The following ZNF718 variants were observed in gnomAD, a reference collection of about 807,000 sequenced individuals.
ZNF718 encodes zinc finger protein 718.
In ZNF718, 3 loss-of-function variants were observed where a neutral mutation model predicts 2.6. The observed-to-expected ratio is 1.16, with a 90% CI of 0.53 to 3.01. The LOEUF is 3.01. Among genes scored for constraint, ZNF718 ranks in the 30% most tolerant of loss-of-function variants. ZNF718 has a pLI of 0.03. For missense variants in ZNF718, 468 were observed against 230.0 expected (o/e 2.03, Z -6.69); for synonymous variants, 135 against 77.9 (o/e 1.73, Z -3.86).
At chr4:153,603 G>A (rs1475951471) in intron 3 of ZNF718, among the ~76,000 whole-genome samples, 2 of 151,894 alleles carry the variant, frequency 1.3e-5, no homozygotes, top group Non-Finnish European at 2.9e-5. Context: ...AGTGTAGAGT[G>A]TTCAGCTTTT....
chr4:165,908 T>C (rs1581469379), downstream of ZNF718, among the ~76,000 whole-genome samples: 1 of 152,206 alleles, frequency 6.6e-6, no homozygotes, highest in Non-Finnish European at 1.5e-5. Context: ...TGCAGGTTAG[T>C]TACATATGTA....
chr4:126,036 C>G (rs1553807945), intron 1 of ZNF718, among the ~76,000 whole-genome samples: 1 of 152,182 alleles, frequency 6.6e-6, no homozygotes, highest in Non-Finnish European at 1.5e-5. Context: ...TGGGCCTGTA[C>G]CTGTAGCACA....
At chr4:170,539 G>T (rs1553817744) in intron 3 of ZNF718, among the ~76,000 whole-genome samples, 1 of 146,902 alleles carries the variant, frequency 6.8e-6, no homozygotes, top group Non-Finnish European at 1.5e-5. Context: ...TGGAGGCTTT[G>T]TTTGTTTCTT....
At chr4:169,412 C>A (rs61794962) in intron 3 of ZNF718, among the ~76,000 whole-genome samples, 30,068 of 151,870 alleles carry the variant, frequency 0.2, 3,199 homozygotes, top group Admixed American at 0.27. Context: ...TCCTTGTTAA[C>A]TTTCTGTCTC....
At chr4:137,057 A>G (rs192723382) in intron 3 of ZNF718, among the ~76,000 whole-genome samples, 1 of 152,104 alleles carries the variant, frequency 6.6e-6, no homozygotes, top group East Asian at 1.9e-4. Context: ...CTGAGATCTC[A>G]TTTTTTAAAA....
intron 3 of ZNF718, among the ~76,000 whole-genome samples, chr4:134,734 C>CT (rs1553809025): frequency 0.014 from 2,087 of 149,448 alleles, 23 homozygotes; most frequent in South Asian, 0.037. Context: ...AAAATTGTTT[C>CT]TTTTTTGTTT....
chr4:152,163 TA>T (rs1466238869), intron 3 of ZNF718, among the ~76,000 whole-genome samples: 6 of 147,688 alleles, frequency 4.1e-5, no homozygotes, highest in Admixed American at 4.1e-4. Flanking sequence ...AGATGGAGCA[TA>T]CAATCGGGTT....
intron 3 of ZNF718, among the ~76,000 whole-genome samples, chr4:176,993 C>T (rs1447666478): frequency 6.6e-6 from 1 of 152,334 alleles, no homozygotes; most frequent in South Asian, 2.1e-4. Context: ...CTCTGCCTCT[C>T]TGCAAATTGG....
At chr4:170,439 G>C (rs1431969760) in intron 3 of ZNF718, among the ~76,000 whole-genome samples, 1 of 152,182 alleles carries the variant, frequency 6.6e-6, no homozygotes, top group Non-Finnish European at 1.5e-5. Context: ...ATCCTGCAGA[G>C]TGTTTTCCAA....
intron 3 of ZNF718, among the ~76,000 whole-genome samples, chr4:186,948 G>A (rs1391727227): frequency 6.6e-6 from 1 of 152,170 alleles, no homozygotes; most frequent in African/African-American, 2.4e-5. Flanking sequence ...AACTCTTGTT[G>A]GAGAGGTGTT....
rs1250888780 is a variant in ZNF718 at position 163,822 on chromosome 4, A to T, written c.*1700A>T. 1 of 152,048 alleles carries T rather than the reference A, an allele frequency of 6.6e-6. No homozygotes were observed. Among genetic ancestry groups the T allele is most frequent in the Non-Finnish European group, 1.5e-5 (1 of 67,998 alleles). 9.4% of individuals were successfully genotyped at this position (152,048 alleles called of 1,614,324 possible). A position where few individuals can be genotyped will look rare whatever the true frequency, so the allele number is the denominator to read the frequency against. ...GCTTTAAACAGCAAATAAGTTGAAG[A>T]ATATTGTTCTCATGTTAAATTTTTA... On this transcript the variant is annotated 3_prime_UTR_variant, in exon 4 of 4. Transcript: ENST00000510175.
At chr4:173,420 GT>G (rs1717279782) in intron 3 of ZNF718, among the ~76,000 whole-genome samples, 1 of 151,980 alleles carries the variant, frequency 6.6e-6, no homozygotes, top group South Asian at 2.1e-4. Flanking sequence ...CACCAAAATC[GT>G]TTTCTATTTG....
intron 3 of ZNF718, among the ~76,000 whole-genome samples, chr4:183,274 T>C (rs1717503108): frequency 6.6e-6 from 1 of 152,184 alleles, no homozygotes; most frequent in African/African-American, 2.4e-5. Context: ...TCCCATTGCT[T>C]GTTTTTGTCA....
chr4:187,210 T>C (rs1553820576), intron 3 of ZNF718, among the ~76,000 whole-genome samples: 1 of 152,026 alleles, frequency 6.6e-6, no homozygotes, highest in East Asian at 1.9e-4. Flanking sequence ...TTTTGTTTTT[T>C]GGGGTTTTTT....
chr4:140,621 C>T (rs2108786570), intron 3 of ZNF718, among the ~76,000 whole-genome samples: 1 of 152,286 alleles, frequency 6.6e-6, no homozygotes, highest in Middle Eastern at 3.4e-3. Flanking sequence ...AATTTTGGTT[C>T]ACAGCCTTCA....
chr4:146,578 TC>T (rs1553811395), intron 3 of ZNF718, among the ~76,000 whole-genome samples: 1 of 152,150 alleles, frequency 6.6e-6, no homozygotes, highest in African/African-American at 2.4e-5. Flanking sequence ...TGTCTGTATT[TC>T]TTCCAAGATT....
At chr4:170,546 T>A (rs1177852390) in intron 3 of ZNF718, among the ~76,000 whole-genome samples, 1 of 152,164 alleles carries the variant, frequency 6.6e-6, no homozygotes, top group East Asian at 1.9e-4. Context: ...TTTGTTTGTT[T>A]CTTTTTATTC....
At chr4:188,543 G>A (rs78677549) in intron 3 of ZNF718, among the ~76,000 whole-genome samples, 2 of 152,292 alleles carry the variant, frequency 1.3e-5, no homozygotes, top group East Asian at 3.9e-4. Flanking sequence ...TCTTCCTGGA[G>A]GCATGCACTG....
At chr4:164,944 A>T (rs1490625835), downstream of ZNF718, among the ~76,000 whole-genome samples, 1 of 152,168 alleles carries the variant, frequency 6.6e-6, no homozygotes, top group African/African-American at 2.4e-5. Flanking sequence ...AGAGATTGAA[A>T]ATATCTGTGG....
Sources: gnomAD v4.1 joint callset for allele counts (sites outside exome capture counted in the v4.1 genomes callset) on GRCh38, gnomAD v4.1.1 for gene constraint, MANE v1.5 for transcripts, NCBI Gene and HGNC (gene_info 2026-07-23, HGNC 2026-07-21) for gene names.